AGBL3: variants seen among roughly 807,000 people sequenced by gnomAD.
The protein encoded by AGBL3 is cytosolic carboxypeptidase 3.
Under a neutral mutation model 94.5 loss-of-function variants are expected in AGBL3, and 68 were observed. The ratio of observed to expected loss-of-function variants is 0.72; its 90% CI spans 0.59 to 0.88. The LOEUF is 0.88. Among genes scored for constraint, AGBL3 ranks in the 40% least tolerant of loss-of-function variants. The pLI is 0.00. For missense variants in AGBL3, 934 were observed against 1,103.8 expected (o/e 0.85, Z 2.18); for synonymous variants, 354 against 370.7 (o/e 0.95, Z 0.52).
intron 4 of AGBL3, among the ~76,000 whole-genome samples, chr7:135,007,971 C>T (rs573656214): frequency 2.0e-5 from 3 of 151,954 alleles, no homozygotes; most frequent in Non-Finnish European, 2.9e-5. Context: ...AACTACAAAA[C>T]ATTACTGAAA....
chr7:135,128,066 G>A (rs1200807208), intron 16 of AGBL3, among the ~76,000 whole-genome samples: 1 of 151,980 alleles, frequency 6.6e-6, no homozygotes, highest in Non-Finnish European at 1.5e-5. Context: ...GGCCAAGGTG[G>A]GTGGATCACA....
chr7:135,037,636 T>C (rs1816441252), intron 8 of AGBL3, 56 bp downstream of exon 8: 1 of 1,401,384 alleles, frequency 7.1e-7, no homozygotes, highest in East Asian at 2.7e-5. Flanking sequence ...CCATGTGAGA[T>C]AGCAGAATGG....
intron 12 of AGBL3, among the ~76,000 whole-genome samples, chr7:135,065,987 C>A (rs1393250255): frequency 6.6e-6 from 1 of 152,040 alleles, no homozygotes; most frequent in Non-Finnish European, 1.5e-5. Context: ...TGAAGATGGG[C>A]TAAACACTTA....
At chr7:135,089,270 C>A (rs1229307293) in intron 15 of AGBL3, among the ~76,000 whole-genome samples, 1 of 152,092 alleles carries the variant, frequency 6.6e-6, no homozygotes, top group Non-Finnish European at 1.5e-5. Context: ...TTCCTAATTT[C>A]ACTGAATTAT....
chr7:135,112,873 G>A (rs1825833336), intron 15 of AGBL3, among the ~76,000 whole-genome samples: 1 of 152,158 alleles, frequency 6.6e-6, no homozygotes, highest in African/African-American at 2.4e-5. Context: ...CGCCTCCTGG[G>A]TTCAAGCAAT....
chr7:135,027,203 A>G (rs1467585787), intron 5 of AGBL3, among the ~76,000 whole-genome samples: 5 of 151,336 alleles, frequency 3.3e-5, no homozygotes, highest in Admixed American at 6.6e-5. Context: ...GCGCACCACC[A>G]TGTTCGGCTA....
At chr7:135,050,897 A>G (rs1230205627) in intron 11 of AGBL3, 1 of 319,000 alleles carries the variant, frequency 3.1e-6, no homozygotes, top group African/African-American at 2.3e-5. Flanking sequence ...AGTTTAGTCC[A>G]TTTATACTTA....
Position 135,031,555 on chromosome 7 carries a change from C to T in AGBL3, c.419-1289C>T, listed in dbSNP as rs146413697. On this transcript the variant is annotated intron_variant, in intron 5 of 16. Transcript: ENST00000436302. ...TACAGGCATGAACCACTGCATCCATCGTGTATTATGTTCTTTTAAACATTA... is the reference window on the plus strand; with the variant it reads ...TACAGGCATGAACCACTGCATCCATTGTGTATTATGTTCTTTTAAACATTA... Among the ~76,000 whole-genome samples, 4 of 152,316 alleles carry T rather than the reference C, an allele frequency of 2.6e-5. No homozygotes were observed. In the Middle Eastern group the frequency reaches 0.01, roughly 389 times the overall value.
In AGBL3 at chr7:135,135,492, A is replaced by G. The variant is rs1829307005; in HGVS notation, c.*231A>G. Reference sequence around the variant, plus strand: ...GAAAAATATTAAAGCAGATATTTATATTTAGTTTTTATCAGCATGGAAAAA... The same window carrying G: ...GAAAAATATTAAAGCAGATATTTATGTTTAGTTTTTATCAGCATGGAAAAA... On this transcript the variant is annotated 3_prime_UTR_variant, in exon 17 of 17. Transcript: ENST00000436302. 3.1e-6 allele frequency: 1 copy of G among 318,206 alleles called. No homozygotes were observed. The highest frequency in any genetic ancestry group is 5.5e-6 in the Non-Finnish European group (1 of 181,872). The allele number at this position is 318,206 out of a possible 1,614,324, so 19.7% of individuals were successfully genotyped here.
At chr7:135,101,371 G>A in intron 15 of AGBL3, 1 of 381,594 alleles carries the variant, frequency 2.6e-6, no homozygotes, top group Middle Eastern at 4.0e-4. Context: ...CTTGGATTAT[G>A]GGAACTACTT....
chr7:135,003,032 T>C (rs1811921299), intron 4 of AGBL3, among the ~76,000 whole-genome samples: 1 of 152,200 alleles, frequency 6.6e-6, no homozygotes, highest in Admixed American at 6.5e-5. Flanking sequence ...TTGTCATGCA[T>C]AAATTTGTAA....
intron 15 of AGBL3, chr7:135,094,565 A>G (rs1206652154): frequency 2.2e-6 from 1 of 456,486 alleles, no homozygotes; most frequent in South Asian, 1.5e-5. Flanking sequence ...TAGAGCCAAG[A>G]AAGACCTCTT....
intron 16 of AGBL3, among the ~76,000 whole-genome samples, chr7:135,119,158 TATA>T (rs1489007540): frequency 1.3e-5 from 2 of 151,748 alleles, no homozygotes; most frequent in Non-Finnish European, 2.9e-5. Flanking sequence ...GACATAAACC[TATA>T]GATCAAAAAG....
At chr7:135,092,733 T>C (rs1224363525) in intron 15 of AGBL3, 1 of 151,122 alleles carries the variant, frequency 6.6e-6, no homozygotes, top group African/African-American at 2.4e-5. Flanking sequence ...TAAATTGAAC[T>C]TTTTTTTTAA....
chr7:135,087,691 T>C (rs192447201), intron 15 of AGBL3, among the ~76,000 whole-genome samples: 43 of 152,186 alleles, frequency 2.8e-4, no homozygotes, highest in Non-Finnish European at 5.0e-4. Flanking sequence ...AAAAGATACT[T>C]GATATTATTT....
At chr7:135,075,891 T>C (rs1358064734) in intron 12 of AGBL3, among the ~76,000 whole-genome samples, 1 of 152,192 alleles carries the variant, frequency 6.6e-6, no homozygotes, top group Non-Finnish European at 1.5e-5. Flanking sequence ...TCACTGACAC[T>C]ACCTTGAAAA....
intron 15 of AGBL3, among the ~76,000 whole-genome samples, chr7:135,111,482 C>T (rs546109137): frequency 5.3e-5 from 8 of 152,294 alleles, no homozygotes; most frequent in African/African-American, 1.4e-4. Context: ...TTCACAATAG[C>T]TATTGTGCAT....
chr7:135,052,452 A>G (rs1044260925), intron 11 of AGBL3, among the ~76,000 whole-genome samples: 2 of 152,134 alleles, frequency 1.3e-5, no homozygotes, highest in African/African-American at 2.4e-5. Context: ...TCGGGGGGCT[A>G]TATGTGTGGG....
chr7:135,109,810 T>A (rs1825349068), intron 15 of AGBL3, among the ~76,000 whole-genome samples: 1 of 152,094 alleles, frequency 6.6e-6, no homozygotes, highest in African/African-American at 2.4e-5. Flanking sequence ...CCTAATCACC[T>A]CAGACTGTCT....
Sources: allele counts gnomAD v4.1 joint callset (sites outside exome capture counted in the v4.1 genomes callset), GRCh38; gene constraint gnomAD v4.1.1; transcripts MANE v1.5; gene names NCBI Gene and HGNC (gene_info 2026-07-23, HGNC 2026-07-21).